Variants in DDX19A observed in about 807,000 individuals in gnomAD.
The protein encoded by DDX19A is DEAD-box helicase 19A, also known as ATP-dependent RNA helicase DDX19A.
Under a neutral mutation model 60.6 loss-of-function variants are expected in DDX19A, and 12 were observed. That is an observed-to-expected ratio of 0.20 (90% CI 0.13 to 0.32). The LOEUF (loss-of-function observed/expected upper bound fraction) is 0.32, where lower values mean the gene tolerates loss of function less well. DDX19A is among the 10% of genes least tolerant of loss of function. DDX19A has a pLI of 1.00. For missense variants in DDX19A, 337 were observed against 600.6 expected (o/e 0.56, Z 4.59); for synonymous variants, 206 against 218.2 (o/e 0.94, Z 0.49).
chr16:70,354,809 AAT>A, intron 2 of DDX19A, among the ~76,000 whole-genome samples: 1 of 152,102 alleles, frequency 6.6e-6, no homozygotes, highest in Non-Finnish European at 1.5e-5. Context: ...ATTAGCTGGG[AAT>A]AGTGGTGCAT....
intron 1 of DDX19A, among the ~76,000 whole-genome samples, chr16:70,349,239 G>A (rs1047424648): frequency 4.6e-5 from 7 of 152,148 alleles, no homozygotes; most frequent in Non-Finnish European, 1.0e-4. Context: ...TCATTCTTCC[G>A]GTAGCAAATT....
chr16:70,356,274 C>G (rs751734875), intron 4 of DDX19A, 27 bp downstream of exon 4: 3 of 1,612,688 alleles, frequency 1.9e-6, no homozygotes, highest in African/African-American at 1.3e-5. Flanking sequence ...TTCAACAGCT[C>G]TTCGTTGCCA....
At chr16:70,358,811 G>A (rs1471216781) in intron 4 of DDX19A, among the ~76,000 whole-genome samples, 2 of 152,096 alleles carry the variant, frequency 1.3e-5, no homozygotes, top group African/African-American at 2.4e-5. Flanking sequence ...CATGCCGTTC[G>A]TTGCACTCCA....
At chr16:70,371,027 T>G (rs1316128825) in intron 10 of DDX19A, 1 of 393,800 alleles carries the variant, frequency 2.5e-6, no homozygotes, top group South Asian at 3.3e-5. Context: ...GAAAAGGAAC[T>G]CCCGCAGAAA....
intron 4 of DDX19A, among the ~76,000 whole-genome samples, chr16:70,359,793 A>G (rs1044634487): frequency 2.6e-5 from 4 of 152,144 alleles, no homozygotes; most frequent in Admixed American, 6.6e-5. Context: ...TGTCGGTTGC[A>G]GTGAGCCCAG....
chr16:70,355,303 A>G (rs1964150094), intron 2 of DDX19A, among the ~76,000 whole-genome samples, 182 bp from the exon 3 acceptor site: 1 of 152,198 alleles, frequency 6.6e-6, no homozygotes, highest in Non-Finnish European at 1.5e-5. Flanking sequence ...TGAACCCAGG[A>G]GGTGGAGGTT....
chr16:70,372,316 C>T lies in DDX19A; in HGVS notation c.*330C>T, dbSNP rs545204442. ...TTGGCTAGGCATCGTGGAACCAGCTCCAGCCCCTGAAGAAACGATAGATGT... is the reference window on the plus strand; with the variant it reads ...TTGGCTAGGCATCGTGGAACCAGCTTCAGCCCCTGAAGAAACGATAGATGT... On this transcript the variant is annotated 3_prime_UTR_variant, in exon 12 of 12. Coordinates refer to ENST00000302243, the MANE Select transcript of DDX19A (RefSeq NM_018332.5). 2.3e-6 allele frequency: 1 copy of T among 434,076 alleles called. No homozygotes were observed. Among genetic ancestry groups the T allele is most frequent in the African/African-American group, 2.0e-5 (1 of 50,014 alleles). 26.9% of individuals were successfully genotyped at this position (434,076 alleles called of 1,614,324 possible). A position where few individuals can be genotyped will look rare whatever the true frequency, so the allele number is the denominator to read the frequency against.
chr16:70,348,974 G>C (rs1360742647), intron 1 of DDX19A, among the ~76,000 whole-genome samples: 1 of 152,062 alleles, frequency 6.6e-6, no homozygotes, highest in African/African-American at 2.4e-5. Context: ...GGTGAGTTCA[G>C]GTTTGGCTGT....
intron 4 of DDX19A, among the ~76,000 whole-genome samples, chr16:70,357,479 G>A (rs1231737699): frequency 7.6e-6 from 1 of 131,246 alleles, no homozygotes; most frequent in Non-Finnish European, 1.6e-5. Context: ...CCACCTCCCA[G>A]GTCCAAGCGA....
Position 70,366,245 on chromosome 16 carries a change from G to A in DDX19A, c.765G>A (p.Gln255=). ...VMIATQGHQD[Q]SIRIQRMLPR... ...TAGCCACTCAGGGCCACCAAGATCA[G>A]AGCATCCGCATCCAGAGGTAGGGAT... The change falls in exon 8 of 12, where the codon CAG becomes CAA. Residue 255 remains glutamine (Q), a synonymous_variant. Coordinates refer to ENST00000302243, the MANE Select transcript of DDX19A (RefSeq NM_018332.5). The A allele has an allele frequency of 6.2e-7, 1 of 1,614,066 alleles. No homozygotes were observed.
In DDX19A at chr16:70,346,909, T is replaced by C. The variant is rs1963844746; in HGVS notation, c.-83T>C. On this transcript the variant is annotated 5_prime_UTR_variant, in exon 1 of 12. Transcript: ENST00000302243. ...CTTCCGGTCCGCGTGAGGTGCATTCTCGCGCCGGTGGCGAGGTTAGGGCCC... is the reference window on the plus strand; with the variant it reads ...CTTCCGGTCCGCGTGAGGTGCATTCCCGCGCCGGTGGCGAGGTTAGGGCCC... 7.1e-7 allele frequency: 1 copy of C among 1,416,900 alleles called. No individual in the cohort carries two copies. The highest frequency in any genetic ancestry group is 9.7e-7 in the Non-Finnish European group (1 of 1,029,270). 87.8% of individuals were successfully genotyped at this position (1,416,900 alleles called of 1,614,324 possible). A position where few individuals can be genotyped will look rare whatever the true frequency, so the allele number is the denominator to read the frequency against.
At chr16:70,370,455 C>CTTGT in intron 10 of DDX19A, 70 bp downstream of exon 10, 1 of 1,566,342 alleles carries the variant, frequency 6.4e-7, no homozygotes, top group East Asian at 2.2e-5. Flanking sequence ...GCCAGAAATC[C>CTTGT]TTGTATACAG....
chr16:70,351,399 G>T (rs1964012928), intron 2 of DDX19A, among the ~76,000 whole-genome samples: 1 of 151,598 alleles, frequency 6.6e-6, no homozygotes, highest in African/African-American at 2.4e-5. Flanking sequence ...TAGAGGCGGG[G>T]CTTTGTCATA....
chr16:70,356,147 A>G lies in DDX19A; in HGVS notation c.193A>G (p.Ile65Val). Residue 65 changes from isoleucine to valine, a missense_variant, in exon 4 of 12, where the codon ATC becomes GTC. Transcript: ENST00000302243. ...RAAQSLLNKL[I>V]RSNLVDNTNQ... ...TGCCCAGTCCTTACTCAACAAGCTG[A>G]TCAGAAGCAACCTTGTTGATAACAC... 1 of 1,613,996 alleles carries G rather than the reference A, an allele frequency of 6.2e-7. No individual in the cohort carries two copies. Among genetic ancestry groups the G allele is most frequent in the Non-Finnish European group, 8.5e-7 (1 of 1,180,012 alleles).
chr16:70,364,304 G>C (rs1964455750), intron 5 of DDX19A: 1 of 484,224 alleles, frequency 2.1e-6, no homozygotes, highest in African/African-American at 2.0e-5. Context: ...CTGTGCTAGA[G>C]GCTAGAATGA....
intron 4 of DDX19A, 30 bp downstream of exon 4, chr16:70,356,277 C>G (rs550245297): frequency 6.2e-7 from 1 of 1,612,252 alleles, no homozygotes; most frequent in South Asian, 1.1e-5. Flanking sequence ...AACAGCTCTT[C>G]GTTGCCAGTC....
chr16:70,348,866 G>C (rs1362858786), intron 1 of DDX19A, among the ~76,000 whole-genome samples: 1 of 151,710 alleles, frequency 6.6e-6, no homozygotes, highest in East Asian at 1.9e-4. Context: ...GATCACCTGA[G>C]CCTAGGGAGG....
intron 10 of DDX19A, chr16:70,370,677 C>G: frequency 3.3e-6 from 1 of 301,176 alleles, no homozygotes; most frequent in Non-Finnish European, 6.1e-6. Flanking sequence ...TCCTGGGTGA[C>G]AGAGTGAGAC....
rs377481086 is a variant in DDX19A, at chr16:70,356,083, A to G, written c.158-29A>G. The G allele has an allele frequency of 6.8e-6, 11 of 1,612,466 alleles. No homozygotes were observed. The African/African-American group carries it at 1.2e-4, about 18-fold the overall frequency. On this transcript the variant is annotated intron_variant, in intron 3 of 11. Coordinates refer to ENST00000302243, the MANE Select transcript of DDX19A (RefSeq NM_018332.5). Reference sequence around the variant, plus strand: ...TAAGCCTGGGGTTTGCCAGATGAGTATGAAGATCTACTGGTTTCTTCCTGA... The same window carrying G: ...TAAGCCTGGGGTTTGCCAGATGAGTGTGAAGATCTACTGGTTTCTTCCTGA...
Sources: allele counts gnomAD v4.1 joint callset (sites outside exome capture counted in the v4.1 genomes callset), GRCh38; gene constraint gnomAD v4.1.1; transcripts MANE v1.5; gene names NCBI Gene and HGNC (gene_info 2026-07-23, HGNC 2026-07-21).